Variants in NDRG2 observed in about 807,000 individuals in gnomAD.
The protein encoded by NDRG2 is protein NDRG2.
In NDRG2, 34 loss-of-function variants were observed where a neutral mutation model predicts 58.2. The observed-to-expected ratio is 0.58, with a 90% confidence interval of 0.44 to 0.78. The LOEUF (loss-of-function observed/expected upper bound fraction) is 0.78. Ranked by LOEUF, NDRG2 falls within the 30% of genes least tolerant of loss-of-function variation. NDRG2 has a pLI of 0.00. For synonymous variants in NDRG2, 187 were observed against 175.9 expected (o/e 1.06, Z -0.50); for missense variants, 434 against 471.2 (o/e 0.92, Z 0.73).
chr14:21,067,344 C>A (rs1257966883), intron 1 of NDRG2, among the ~76,000 whole-genome samples: 3 of 151,834 alleles, frequency 2.0e-5, no homozygotes, highest in African/African-American at 7.3e-5. Flanking sequence ...GTGCTGGCTT[C>A]TACAAAAACA....
chr14:21,021,863 G>C lies in NDRG2; in HGVS notation c.361C>G (p.Leu121Val). The C allele has an allele frequency of 6.2e-7, 1 of 1,613,402 alleles. No individual in the cohort carries two copies. The highest frequency in any genetic ancestry group is 1.1e-5 in the South Asian group (1 of 90,930). Residue 121 changes from leucine to valine, a missense_variant, in exon 6 of 16, where the codon CTG (leucine) becomes GTG (valine). Coordinates refer to ENST00000556147, the MANE Select transcript of NDRG2 (RefSeq NM_001320329.2). ...VFPLGYQYPS[L>V]DQLADMIPCV... ...GGGATCATGTCTGCAAGCTGGTCCA[G>C]AGATGGGTACTGATATCTGGAAAAG...
chr14:21,039,707 A>G (rs1490397332), intron 1 of NDRG2, among the ~76,000 whole-genome samples: 1 of 152,230 alleles, frequency 6.6e-6, no homozygotes, highest in African/African-American at 2.4e-5. Flanking sequence ...AATTGCACGT[A>G]TGGTAGGTAC....
chr14:21,024,682 A>G lies in NDRG2; in HGVS notation c.-659T>C. ...TCCCGTTCTCCCCCGACGGCCCGCG[A>G]AGGCAAGCGCCATCGGGAAGGGATG... On this transcript the variant is annotated 5_prime_UTR_variant, in exon 1 of 16. Transcript: ENST00000556147. The G allele has an allele frequency of 3.0e-6, 3 of 985,376 alleles. No individual in the cohort carries two copies. Among genetic ancestry groups the G allele is most frequent in the Non-Finnish European group, 3.6e-6 (3 of 829,972 alleles). The allele number at this position is 985,376 out of a possible 1,614,324, so 61.0% of individuals were successfully genotyped here. A position where few individuals can be genotyped will look rare whatever the true frequency, so the allele number is the denominator to read the frequency against.
At chr14:21,034,316 T>C in intron 1 of NDRG2, 1 of 1,569,126 alleles carries the variant, frequency 6.4e-7, no homozygotes, top group Non-Finnish European at 8.7e-7. Context: ...TTAAGGTGGT[T>C]GGGGGCAGCA....
intron 10 of NDRG2, 38 bp downstream of exon 10, chr14:21,019,601 G>A: frequency 1.4e-6 from 2 of 1,379,796 alleles, no homozygotes; most frequent in Non-Finnish European, 2.1e-6. Flanking sequence ...TACTGCTTCT[G>A]CATTTCTCTC....
chr14:21,018,119 G>T, intron 14 of NDRG2, 81 bp from the exon 15 acceptor site: 1 of 1,597,698 alleles, frequency 6.3e-7, no homozygotes, highest in East Asian at 2.2e-5. Flanking sequence ...GGCACTGTGG[G>T]GCCGGGTGTG....
intron 3 of NDRG2, 93 bp from the exon 4 acceptor site, chr14:21,022,590 C>A (rs1881168948): frequency 5.5e-6 from 5 of 904,964 alleles, no homozygotes; most frequent in South Asian, 1.5e-5. Flanking sequence ...AGTGGGTGGG[C>A]AAGAGGGAAA....
In NDRG2 at chr14:21,017,706, C is replaced by T; in HGVS notation, c.1006G>A (p.Ala336Thr). The change falls in exon 16 of 16, where the codon GCA becomes ACA. Residue 336 changes from alanine (A) to threonine (T), a missense_variant. Transcript: ENST00000556147. The stretch of plus-strand genomic sequence containing the variant: ...GACCGGTTGCCATCAACGGATGCTG[C>T]ACTGGTCAGAGAGGCTGTACGAGAC... ...SRSRTASLTS[A>T]ASVDGNRSRS... The T allele has an allele frequency of 6.2e-7, 1 of 1,606,872 alleles. No individual in the cohort carries two copies. Among genetic ancestry groups the T allele is most frequent in the Non-Finnish European group, 8.5e-7 (1 of 1,176,536 alleles).
In NDRG2 at chr14:21,019,105, TA is replaced by T; in HGVS notation, c.761+10del. 1 of 1,606,186 alleles carries T rather than the reference TA, an allele frequency of 6.2e-7. No individual in the cohort carries two copies. The highest frequency in any genetic ancestry group is 8.5e-7 in the Non-Finnish European group (1 of 1,177,162). ...GGGAGACAGGCAATGCATTATCTCT[TA>T]AAGTCTTACCTGAGGGTGATATCAC... On this transcript the variant is annotated intron_variant, in intron 11 of 15. Coordinates refer to ENST00000556147, the MANE Select transcript of NDRG2 (RefSeq NM_001320329.2).
intron 1 of NDRG2, among the ~76,000 whole-genome samples, chr14:21,067,337 C>G (rs532195396): frequency 6.6e-6 from 1 of 151,948 alleles, no homozygotes; most frequent in Admixed American, 6.6e-5. Flanking sequence ...AACCTCAGTG[C>G]TGGCTTCTAC....
At chr14:21,055,771 T>C (rs1885647920) in intron 1 of NDRG2, among the ~76,000 whole-genome samples, 1 of 152,148 alleles carries the variant, frequency 6.6e-6, no homozygotes, top group African/African-American at 2.4e-5. Context: ...TAACCGTTAA[T>C]GAATAATCAC....
chr14:21,030,861 C>G, intron 1 of NDRG2: 1 of 1,511,124 alleles, frequency 6.6e-7, no homozygotes, highest in Non-Finnish European at 9.0e-7. Context: ...CCAAGCACCA[C>G]AGGGTACCTG....
At position 21,022,852 on chromosome 14, in the gene NDRG2, C is replaced by T. The variant is rs1481650523; in HGVS notation, c.117+12G>A. 6.2e-7 allele frequency: 1 copy of T among 1,613,222 alleles called. No individual in the cohort carries two copies. Among genetic ancestry groups the T allele is most frequent in the East Asian group, 2.2e-5 (1 of 44,798 alleles). On this transcript the variant is annotated intron_variant, in intron 3 of 15. Coordinates refer to ENST00000556147, the MANE Select transcript of NDRG2 (RefSeq NM_001320329.2). ...CCCTCCTCCCACCTTGGGACTGCCC[C>T]CACACTGTTACCTGTCCCTGGTCCA...
intron 1 of NDRG2, among the ~76,000 whole-genome samples, chr14:21,053,181 C>T (rs1304271601): frequency 6.6e-6 from 1 of 152,162 alleles, no homozygotes; most frequent in African/African-American, 2.4e-5. Flanking sequence ...AGCCCAAAAA[C>T]CATCTGTTGG....
At chr14:21,058,303 A>C in intron 1 of NDRG2, 1 of 1,614,000 alleles carries the variant, frequency 6.2e-7, no homozygotes, top group African/African-American at 1.3e-5. Flanking sequence ...ACCCTCCACA[A>C]CAGGGTGACC....
At chr14:21,069,356 C>G (rs934710879) in intron 1 of NDRG2, among the ~76,000 whole-genome samples, 5 of 152,196 alleles carry the variant, frequency 3.3e-5, no homozygotes, top group African/African-American at 1.2e-4. Context: ...GCCACGAGCC[C>G]TAGCGGCCCT....
chr14:21,017,494 C>G lies in NDRG2; in HGVS notation c.*102G>C, dbSNP rs551514767. The G allele has an allele frequency of 7.5e-7, 1 of 1,341,314 alleles. No homozygotes were observed. The highest frequency in any genetic ancestry group is 1.5e-5 in the African/African-American group (1 of 68,418). The allele number at this position is 1,341,314 out of a possible 1,614,324, so 83.1% of individuals were successfully genotyped here. A position where few individuals can be genotyped will look rare whatever the true frequency, so the allele number is the denominator to read the frequency against. ...AGGTCATCTCCCCGCATGATCTGCC[C>G]TTTTTCCCTTGCTTACGGTGGCCCA... On this transcript the variant is annotated 3_prime_UTR_variant, in exon 16 of 16. Coordinates refer to ENST00000556147, the MANE Select transcript of NDRG2 (RefSeq NM_001320329.2).
chr14:21,020,924 C>T (rs1727206403), intron 6 of NDRG2, 80 bp from the exon 7 acceptor site: 4 of 1,468,336 alleles, frequency 2.7e-6, no homozygotes, highest in South Asian at 2.3e-5. Context: ...AAACTCTTCA[C>T]CCTCCCTCCT....
chr14:21,019,692 A>G lies in NDRG2; in HGVS notation c.663T>C (p.Ile221=), dbSNP rs1425983170. The G allele has an allele frequency of 9.3e-6, 15 of 1,613,870 alleles. No individual in the cohort carries two copies. The highest frequency in any genetic ancestry group is 1.2e-5 in the Non-Finnish European group (14 of 1,179,878). ...SELIQKYRNI[I]THAPNLDNIE... is the part of the protein sequence containing the mutation. ...TGTTATCCAGGTTGGGTGCATGTGT[A>G]ATGATATTTCTGTACTTTTGTATCA... The change falls in exon 10 of 16, where the codon ATT becomes ATC. Residue 221 remains isoleucine (I), a synonymous_variant. Transcript: ENST00000556147.
Sources: gnomAD v4.1 joint callset for allele counts (sites outside exome capture counted in the v4.1 genomes callset) on GRCh38, gnomAD v4.1.1 for gene constraint, MANE v1.5 for transcripts, NCBI Gene and HGNC (gene_info 2026-07-23, HGNC 2026-07-21) for gene names.